FBXL4: variants seen among roughly 807,000 people sequenced by gnomAD.
FBXL4 encodes F-box and leucine rich repeat protein 4, also known as F-box/LRR-repeat protein 4.
A neutral mutation model predicts 58.9 loss-of-function variants in FBXL4; 40 were observed. That is an observed-to-expected ratio of 0.68 (90% CI 0.53 to 0.88). FBXL4 has a LOEUF of 0.88. Ranked by LOEUF, FBXL4 falls within the 40% of genes least tolerant of loss-of-function variation. The probability of loss-of-function intolerance (pLI) is 0.00; values close to 1 mark genes in which losing one functional copy is unlikely to be tolerated. For synonymous variants in FBXL4, 263 were observed against 265.5 expected, an observed-to-expected ratio of 0.99 and a Z score of 0.09; for missense variants, 676 against 734.4, an observed-to-expected ratio of 0.92 and a Z score of 0.92.
intron 1 of FBXL4, among the ~76,000 whole-genome samples, chr6:98,944,164 A>G (rs1185775503): frequency 1.3e-5 from 2 of 152,260 alleles, no homozygotes; most frequent in Admixed American, 1.3e-4. Flanking sequence ...GAATGTGTAC[A>G]AAGAGTATTT....
Position 98,868,598 on chromosome 6 carries a change from A to T in FBXL4, c.*5680T>A, listed in dbSNP as rs1770414106. ...CAGAATACAAACAACAGAAATCATT[A>T]GATATTGAACAGCATTTTTATGTAA... On this transcript the variant is annotated 3_prime_UTR_variant, in exon 10 of 10. Coordinates refer to ENST00000369244, the MANE Select transcript of FBXL4 (RefSeq NM_001278716.2). 6.6e-6 allele frequency: 1 copy of T among 152,170 alleles called. No homozygotes were observed. Among genetic ancestry groups the T allele is most frequent in the Admixed American group, 6.5e-5 (1 of 15,276 alleles). 9.4% of individuals were successfully genotyped at this position (152,170 alleles called of 1,614,324 possible). A position where few individuals can be genotyped will look rare whatever the true frequency, so the allele number is the denominator to read the frequency against.
intron 7 of FBXL4, among the ~76,000 whole-genome samples, chr6:98,887,826 A>G (rs912082270): frequency 1.3e-5 from 2 of 152,222 alleles, no homozygotes; most frequent in African/African-American, 4.8e-5. Context: ...GAAATAAATC[A>G]AAGGGCTGAC....
chr6:98,893,492 C>T (rs942347593), intron 7 of FBXL4, among the ~76,000 whole-genome samples: 1 of 152,140 alleles, frequency 6.6e-6, no homozygotes, highest in Non-Finnish European at 1.5e-5. Context: ...TTAGGCTCTA[C>T]CCTAATGACC....
At position 98,926,877 on chromosome 6, in the gene FBXL4, T is replaced by G; in HGVS notation, c.112A>C (p.Ile38Leu). Residue 38 changes from isoleucine to leucine, a missense_variant, in exon 4 of 10, where the codon ATA becomes CTA. Ile to Leu is a conservative substitution (Grantham distance 5). Transcript: ENST00000369244. ...RGEMMNTHRA[I>L]ESNSQTSPLN... is the part of the protein sequence containing the mutation. ...GGGGAAGTCTGGCTGTTTGATTCTA[T>G]AGCTCTATGGGTGTTCATCATTTCT... The G allele has an allele frequency of 6.2e-7, 1 of 1,614,204 alleles. No individual in the cohort carries two copies. The highest frequency in any genetic ancestry group is 8.5e-7 in the Non-Finnish European group (1 of 1,180,032).
rs143576105 is a variant in FBXL4 at position 98,872,982 on chromosome 6, T to C, written c.*1296A>G. ...AGGCACAAAGGAAGCATTCTCCTCA[T>C]GTGACTACTGAACACTTGACATACA... On this transcript the variant is annotated 3_prime_UTR_variant, in exon 10 of 10. Transcript: ENST00000369244. 132 of 152,240 alleles carry C rather than the reference T, an allele frequency of 8.7e-4. No individual in the cohort carries two copies. The highest frequency in any genetic ancestry group is 2.7e-3 in the African/African-American group (114 of 41,538). 9.4% of individuals were successfully genotyped at this position (152,240 alleles called of 1,614,324 possible).
intron 6 of FBXL4, among the ~76,000 whole-genome samples, chr6:98,900,042 T>C (rs1038115966): frequency 1.3e-5 from 2 of 152,228 alleles, no homozygotes; most frequent in Admixed American, 6.5e-5. Context: ...AGCAGCTAGA[T>C]TGCTTGATAT....
At position 98,899,459 on chromosome 6, in the gene FBXL4, C is replaced by A. The variant is rs745512025; in HGVS notation, c.1126G>T (p.Glu376Ter). 1.9e-6 allele frequency: 3 copies of A among 1,613,438 alleles called. No homozygotes were observed. Among genetic ancestry groups the A allele is most frequent in the African/African-American group, 1.3e-5 (1 of 74,904 alleles). The change falls in exon 7 of 10, where the codon GAA becomes TAA. Residue 376 changes from glutamate (E) to a stop codon, truncating the protein, a stop_gained. Transcript: ENST00000369244. LOFTEE classifies it high-confidence loss of function. ...FSRFLKVCGS[E>*]LVRLELSCSH... ...CAAGACAATTCAAGGCGTACTAATT[C>A]GGATCCACAAACCTTCAGAAACCTG...
At chr6:98,914,138 G>A (rs919808975) in intron 5 of FBXL4, among the ~76,000 whole-genome samples, 3 of 152,162 alleles carry the variant, frequency 2.0e-5, no homozygotes, top group Non-Finnish European at 4.4e-5. Context: ...TCTCTGAATA[G>A]ACCAATAACA....
chr6:98,926,924 C>T lies in FBXL4; in HGVS notation c.65G>A (p.Arg22Gln), dbSNP rs147696366. ...TMFYYICLRR[R>Q]ARTATRGEMM... ...TTCTCCTCTTGTAGCTGTCCTGGCT[C>T]GGCGCCGAAGGCATATATAATAAAA... The change falls in exon 4 of 10, where the codon CGA becomes CAA. Residue 22 changes from arginine to glutamine, a missense_variant. Coordinates refer to ENST00000369244, the MANE Select transcript of FBXL4 (RefSeq NM_001278716.2). The T allele has an allele frequency of 8.7e-5, 141 of 1,614,068 alleles. No individual in the cohort carries two copies. In the African/African-American group the frequency reaches 1.2e-3, roughly 13 times the overall value.
chr6:98,901,465 C>G (rs923764393), intron 6 of FBXL4, among the ~76,000 whole-genome samples: 2 of 152,024 alleles, frequency 1.3e-5, no homozygotes, highest in African/African-American at 4.8e-5. Context: ...TACCAGAAAG[C>G]AAACTGTTAG....
chr6:98,910,940 C>G (rs1360567905), intron 5 of FBXL4, among the ~76,000 whole-genome samples: 1 of 152,200 alleles, frequency 6.6e-6, no homozygotes, highest in Non-Finnish European at 1.5e-5. Context: ...AAAGGGGTGA[C>G]AGATGGCACC....
intron 1 of FBXL4, among the ~76,000 whole-genome samples, chr6:98,947,506 AC>A (rs1227697695): frequency 6.6e-6 from 1 of 152,216 alleles, no homozygotes; most frequent in Non-Finnish European, 1.5e-5. Context: ...CGCGGTGTAA[AC>A]AACCCTGAGC....
intron 6 of FBXL4, among the ~76,000 whole-genome samples, chr6:98,904,020 T>C (rs895260148): frequency 3.3e-5 from 5 of 152,058 alleles, no homozygotes; most frequent in African/African-American, 1.2e-4. Flanking sequence ...ATGGAAAACA[T>C]TGGGAAAGAG....
chr6:98,910,920 C>G (rs1044925088), intron 5 of FBXL4, among the ~76,000 whole-genome samples: 15 of 152,180 alleles, frequency 9.9e-5, no homozygotes, highest in African/African-American at 3.6e-4. Context: ...GTTCCCTTTC[C>G]TGGTCAAGGA....
chr6:98,879,608 C>T (rs909375154), intron 8 of FBXL4, among the ~76,000 whole-genome samples: 16 of 151,992 alleles, frequency 1.1e-4, no homozygotes, highest in Non-Finnish European at 1.3e-4. Flanking sequence ...CTAGGCTGGG[C>T]GCAGTGGCTC....
chr6:98,929,503 G>A (rs1264972115), intron 2 of FBXL4, among the ~76,000 whole-genome samples: 2 of 151,498 alleles, frequency 1.3e-5, no homozygotes, highest in Non-Finnish European at 2.9e-5. Flanking sequence ...TCCAAGAGGT[G>A]GAGATTGCAG....
At chr6:98,943,412 A>G (rs958161844) in intron 1 of FBXL4, among the ~76,000 whole-genome samples, 1 of 151,902 alleles carries the variant, frequency 6.6e-6, no homozygotes, top group African/African-American at 2.4e-5. Flanking sequence ...ATCTCTACAA[A>G]AAACACAAAA....
At position 98,871,683 on chromosome 6, in the gene FBXL4, A is replaced by G. The variant is rs1482156580; in HGVS notation, c.*2595T>C. ...TACTTTGTGGGATATATTTGATTCA[A>G]TTTTGTATTACTGAACTACTGGTAG... On this transcript the variant is annotated 3_prime_UTR_variant, in exon 10 of 10. Coordinates refer to ENST00000369244, the MANE Select transcript of FBXL4 (RefSeq NM_001278716.2). 6.6e-6 allele frequency: 1 copy of G among 152,202 alleles called. No homozygotes were observed. The highest frequency in any genetic ancestry group is 6.5e-5 in the Admixed American group (1 of 15,278). The allele number at this position is 152,202 out of a possible 1,614,324, so 9.4% of individuals were successfully genotyped here. A position where few individuals can be genotyped will look rare whatever the true frequency, so the allele number is the denominator to read the frequency against.
intron 2 of FBXL4, among the ~76,000 whole-genome samples, chr6:98,933,314 AC>A (rs552242776): frequency 1.1e-4 from 17 of 152,268 alleles, no homozygotes; most frequent in African/African-American, 3.9e-4. Flanking sequence ...ACACAGAGGT[AC>A]CATTAAAGGA....
Sources: gnomAD v4.1 joint callset for allele counts (sites outside exome capture counted in the v4.1 genomes callset) on GRCh38, gnomAD v4.1.1 for gene constraint, MANE v1.5 for transcripts, NCBI Gene and HGNC (gene_info 2026-07-23, HGNC 2026-07-21) for gene names.